The following ROBO1 variants were observed in gnomAD, a reference collection of about 807,000 sequenced individuals.
ROBO1 encodes the protein roundabout homolog 1.
In ROBO1, 149 loss-of-function variants were observed where a neutral mutation model predicts 195.9. The ratio of observed to expected loss-of-function variants is 0.76; its 90% CI spans 0.67 to 0.87. ROBO1 has a LOEUF of 0.87. Among genes scored for constraint, ROBO1 ranks in the 40% least tolerant of loss-of-function variants. The pLI is 0.00. For missense variants in ROBO1, 1,933 were observed against 2,068.3 expected (o/e 0.93, Z 1.27); for synonymous variants, 816 against 733.2 (o/e 1.11, Z -1.82).
intron 2 of ROBO1, among the ~76,000 whole-genome samples, chr3:79,301,984 CAA>C (rs1461503294): frequency 6.6e-6 from 1 of 152,122 alleles, no homozygotes; most frequent in Non-Finnish European, 1.5e-5. Flanking sequence ...CCACCAGCTA[CAA>C]TATTGTCTTT....
intron 3 of ROBO1, among the ~76,000 whole-genome samples, chr3:79,060,927 T>A (rs565997139): frequency 1.3e-5 from 2 of 152,294 alleles, no homozygotes; most frequent in East Asian, 3.9e-4. Context: ...GCATTCCCTT[T>A]GAAAACTGGC....
At chr3:78,759,929 T>C (rs372514309) in intron 4 of ROBO1, among the ~76,000 whole-genome samples, 1 of 152,140 alleles carries the variant, frequency 6.6e-6, no homozygotes, top group African/African-American at 2.4e-5. Flanking sequence ...GAATGATATC[T>C]ATGGAGAGTG....
At chr3:78,737,403 T>C (rs1388234758) in intron 5 of ROBO1, among the ~76,000 whole-genome samples, 1 of 152,142 alleles carries the variant, frequency 6.6e-6, no homozygotes, top group Non-Finnish European at 1.5e-5. Flanking sequence ...ATAGGTATAC[T>C]AACAACAATA....
chr3:78,682,230 T>A (rs920886261), intron 10 of ROBO1, among the ~76,000 whole-genome samples: 1 of 151,758 alleles, frequency 6.6e-6, no homozygotes, highest in East Asian at 1.9e-4. Flanking sequence ...ACAGGCAATG[T>A]AGGACAAGTA....
At chr3:79,024,096 C>T (rs979806858) in intron 3 of ROBO1, among the ~76,000 whole-genome samples, 9 of 152,118 alleles carry the variant, frequency 5.9e-5, no homozygotes, top group East Asian at 1.9e-4. Flanking sequence ...ACTCCAGCCT[C>T]GCTATTGCTC....
intron 2 of ROBO1, among the ~76,000 whole-genome samples, chr3:79,158,368 AATGT>A (rs1474349410): frequency 6.6e-6 from 1 of 151,280 alleles, no homozygotes; most frequent in Admixed American, 6.6e-5. Context: ...TATTTTCTGT[AATGT>A]ATGTCTCAAA....
chr3:79,442,575 G>GTA (rs2039093038), intron 2 of ROBO1, among the ~76,000 whole-genome samples: 1 of 152,026 alleles, frequency 6.6e-6, no homozygotes, highest in South Asian at 2.1e-4. Context: ...TGACAGAGAG[G>GTA]GTTGTGGCTG....
intron 3 of ROBO1, among the ~76,000 whole-genome samples, chr3:78,991,802 G>T: frequency 6.6e-6 from 1 of 152,134 alleles, no homozygotes; most frequent in East Asian, 1.9e-4. Flanking sequence ...GCAGCAGGAT[G>T]AGATGGAAGG....
At position 79,765,090 on chromosome 3, in the gene ROBO1, CAT is replaced by C. The variant is rs369469168; in HGVS notation, c.-51+2660_-51+2661del. 1.1e-4 allele frequency among the ~76,000 whole-genome samples: 16 copies of C among 152,294 alleles called. No homozygotes were observed. In the East Asian group the frequency reaches 2.1e-3, roughly 20 times the overall value. On this transcript the variant is annotated intron_variant, in intron 1 of 30. Coordinates refer to ENST00000464233, the MANE Select transcript of ROBO1 (RefSeq NM_002941.4). ...GAAGTAAATAGGAAAATACAACAAACATGTGATTAACAGCTGTTTTCTGAAGC... is the reference window on the plus strand; with the variant it reads ...GAAGTAAATAGGAAAATACAACAAACGTGATTAACAGCTGTTTTCTGAAGC...
At chr3:79,731,026 C>T (rs1703128501) in intron 1 of ROBO1, among the ~76,000 whole-genome samples, 1 of 152,014 alleles carries the variant, frequency 6.6e-6, no homozygotes, top group Non-Finnish European at 1.5e-5. Context: ...ATCCGTGTTT[C>T]CTATATTTCA....
intron 3 of ROBO1, among the ~76,000 whole-genome samples, chr3:79,037,362 TC>T: frequency 6.6e-6 from 1 of 152,294 alleles, no homozygotes; most frequent in East Asian, 1.9e-4. Context: ...TTTATTCTCC[TC>T]TGAACCATTA....
chr3:79,008,722 G>A (rs1327151834), intron 3 of ROBO1, among the ~76,000 whole-genome samples: 1 of 149,600 alleles, frequency 6.7e-6, no homozygotes, highest in African/African-American at 2.5e-5. Context: ...CCAAGTAGCT[G>A]AGACTAAAAG....
chr3:79,577,916 C>CA (rs1240384664), intron 2 of ROBO1, among the ~76,000 whole-genome samples: 2 of 150,922 alleles, frequency 1.3e-5, no homozygotes, highest in African/African-American at 4.9e-5. Context: ...TGTCTCAAAA[C>CA]AAAAAAACAA....
intron 8 of ROBO1, among the ~76,000 whole-genome samples, chr3:78,707,775 G>A (rs1654906452): frequency 2.0e-5 from 3 of 152,122 alleles, no homozygotes; most frequent in Admixed American, 2.0e-4. Flanking sequence ...GGAGTATAGT[G>A]GGGTGTGAAC....
Position 78,716,025 on chromosome 3 carries a change from T to G in ROBO1, c.917+1250A>C, listed in dbSNP as rs546298122. 4.7e-4 allele frequency among the ~76,000 whole-genome samples: 71 copies of G among 152,326 alleles called. 1 individual carries two copies. Among genetic ancestry groups the G allele is most frequent in the African/African-American group, 1.5e-3 (62 of 41,586 alleles). ...TAAACTTTATGCCATTCAAAGGAGA[T>G]GACATTCCTTCTCAGCTTTGTGTCT... On this transcript the variant is annotated intron_variant, in intron 7 of 30. Transcript: ENST00000464233.
At chr3:79,434,189 T>C (rs1028954490) in intron 2 of ROBO1, among the ~76,000 whole-genome samples, 2 of 152,096 alleles carry the variant, frequency 1.3e-5, no homozygotes, top group Admixed American at 6.5e-5. Flanking sequence ...CCAAAAGCAA[T>C]GGCAGCAAAA....
chr3:78,831,331 A>G (rs2032185780), intron 4 of ROBO1, among the ~76,000 whole-genome samples: 1 of 152,218 alleles, frequency 6.6e-6, no homozygotes, highest in Non-Finnish European at 1.5e-5. Context: ...GACCTGCCTA[A>G]AAAATGAAAT....
intron 4 of ROBO1, among the ~76,000 whole-genome samples, chr3:78,764,805 T>C (rs917368244): frequency 1.3e-5 from 2 of 152,136 alleles, no homozygotes; most frequent in Non-Finnish European, 2.9e-5. Context: ...TCATCATAAT[T>C]GCTACCTGTC....
chr3:79,231,901 C>T (rs1259549822), intron 2 of ROBO1, among the ~76,000 whole-genome samples: 1 of 152,038 alleles, frequency 6.6e-6, no homozygotes, highest in East Asian at 1.9e-4. Context: ...AGAACAAGAT[C>T]ACATCCTTTG....
Sources: allele counts gnomAD v4.1 joint callset (sites outside exome capture counted in the v4.1 genomes callset), GRCh38; gene constraint gnomAD v4.1.1; transcripts MANE v1.5; gene names NCBI Gene and HGNC (gene_info 2026-07-23, HGNC 2026-07-21).